HCN1: variants seen among roughly 807,000 people sequenced by gnomAD.
HCN1 encodes hyperpolarization activated cyclic nucleotide gated potassium channel 1, also known as potassium/sodium hyperpolarization-activated cyclic nucleotide-gated channel 1.
In HCN1, 13 loss-of-function variants were observed where a neutral mutation model predicts 78.9. That is an observed-to-expected ratio of 0.16 (90% CI 0.11 to 0.26). The LOEUF (loss-of-function observed/expected upper bound fraction) is 0.26, where lower values mean the gene tolerates loss of function less well. Among genes scored for constraint, HCN1 ranks in the 10% least tolerant of loss-of-function variants. HCN1 has a pLI of 1.00. For synonymous variants in HCN1, 552 were observed against 455.5 expected (o/e 1.21, Z -2.70); for missense variants, 810 against 1,154.3 (o/e 0.70, Z 4.32).
At chr5:45,530,179 C>G (rs1415337015) in intron 2 of HCN1, among the ~76,000 whole-genome samples, 3 of 151,916 alleles carry the variant, frequency 2.0e-5, no homozygotes, top group Non-Finnish European at 2.9e-5. Context: ...CTTCTCAGCT[C>G]TTTTTTTCAG....
In HCN1 at chr5:45,261,811, A is replaced by C. The variant is rs1456118811; in HGVS notation, c.*110T>G. The C allele has an allele frequency of 3.7e-6, 5 of 1,365,094 alleles. No homozygotes were observed. The highest frequency in any genetic ancestry group is 2.3e-5 in the East Asian group (1 of 43,688). The allele number at this position is 1,365,094 out of a possible 1,614,324, so 84.6% of individuals were successfully genotyped here. ...CGTGTAGGCCACAGCTGTCTAAAAT[A>C]TCTCTTCATAGTAGGCTAGAGGGAT... On this transcript the variant is annotated 3_prime_UTR_variant, in exon 8 of 8. Transcript: ENST00000303230.
chr5:45,453,799 T>C (rs925111252), intron 3 of HCN1, among the ~76,000 whole-genome samples: 1 of 152,186 alleles, frequency 6.6e-6, no homozygotes, highest in African/African-American at 2.4e-5. Context: ...ACATGAATAC[T>C]ATATTTGTGA....
chr5:45,566,777 C>T (rs530887789), intron 2 of HCN1, among the ~76,000 whole-genome samples: 3 of 152,138 alleles, frequency 2.0e-5, no homozygotes, highest in Admixed American at 6.6e-5. Context: ...CACTCTGGGA[C>T]GGGTTCCTCC....
chr5:45,347,732 A>G (rs1746780159), intron 5 of HCN1, among the ~76,000 whole-genome samples: 1 of 152,200 alleles, frequency 6.6e-6, no homozygotes, highest in African/African-American at 2.4e-5. Context: ...AAGCCTCAGG[A>G]GCCGATGCGA....
intron 3 of HCN1, among the ~76,000 whole-genome samples, chr5:45,397,369 C>G (rs552512547): frequency 1.3e-5 from 2 of 152,074 alleles, no homozygotes; most frequent in African/African-American, 4.8e-5. Flanking sequence ...GGCAAAAGAA[C>G]ATCTTGGCTT....
chr5:45,522,029 A>T lies in HCN1; in HGVS notation c.850-60022T>A, dbSNP rs376246540. Among the ~76,000 whole-genome samples, 3 of 152,008 alleles carry T rather than the reference A, an allele frequency of 2.0e-5. No homozygotes were observed. In the South Asian group the frequency reaches 6.2e-4, roughly 31 times the overall value. ...CTTAAATTTTAAAACACTATAAACT[A>T]AATGACTTTGCAATTTTATTCAACT... On this transcript the variant is annotated intron_variant, in intron 2 of 7. Coordinates refer to ENST00000303230, the MANE Select transcript of HCN1 (RefSeq NM_021072.4).
At chr5:45,438,740 A>G (rs1740614522) in intron 3 of HCN1, among the ~76,000 whole-genome samples, 1 of 152,224 alleles carries the variant, frequency 6.6e-6, no homozygotes, top group African/African-American at 2.4e-5. Flanking sequence ...AATTGGAATC[A>G]GTTATGTATA....
intron 3 of HCN1, among the ~76,000 whole-genome samples, chr5:45,414,613 G>A (rs1740085963): frequency 6.6e-6 from 1 of 152,052 alleles, no homozygotes; most frequent in African/African-American, 2.4e-5. Flanking sequence ...AAGAACAGCT[G>A]AACAGTATCT....
At chr5:45,415,564 T>C (rs1304545542) in intron 3 of HCN1, among the ~76,000 whole-genome samples, 2 of 152,116 alleles carry the variant, frequency 1.3e-5, no homozygotes, top group Non-Finnish European at 2.9e-5. Flanking sequence ...TAGTTTTCTC[T>C]GACTCAGTGT....
At chr5:45,666,855 T>C (rs1209729072) in intron 1 of HCN1, among the ~76,000 whole-genome samples, 3 of 152,024 alleles carry the variant, frequency 2.0e-5, no homozygotes, top group Non-Finnish European at 4.4e-5. Context: ...TTGAATATTT[T>C]ATTGTTTGGG....
intron 5 of HCN1, among the ~76,000 whole-genome samples, chr5:45,352,212 C>G (rs892641505): frequency 1.3e-5 from 2 of 152,116 alleles, no homozygotes; most frequent in African/African-American, 4.8e-5. Context: ...ATGATGAGTT[C>G]ATGTCCTTTG....
At chr5:45,665,196 G>A (rs575138222) in intron 1 of HCN1, among the ~76,000 whole-genome samples, 2 of 151,434 alleles carry the variant, frequency 1.3e-5, no homozygotes, top group African/African-American at 4.9e-5. Flanking sequence ...ACTATCGCAA[G>A]GACTAAAAAC....
intron 2 of HCN1, among the ~76,000 whole-genome samples, chr5:45,567,173 T>C (rs536249140): frequency 7.2e-5 from 11 of 152,132 alleles, no homozygotes; most frequent in African/African-American, 2.4e-4. Flanking sequence ...ATCAATTGAA[T>C]GGAAATTTAT....
chr5:45,667,388 T>G lies in HCN1; in HGVS notation c.426-21780A>C, dbSNP rs963331825. ...ATTAGTTTCCTATACTATTCATTCT[T>G]TGAGTAAAAATTATATATCAGACTT... On this transcript the variant is annotated intron_variant, in intron 1 of 7. Transcript: ENST00000303230. Among the ~76,000 whole-genome samples the G allele has an allele frequency of 5.7e-4, 87 of 152,000 alleles. 1 individual carries two copies. The highest frequency in any genetic ancestry group is 8.8e-5 in the Non-Finnish European group (6 of 67,978).
intron 3 of HCN1, among the ~76,000 whole-genome samples, chr5:45,461,324 A>G (rs1267477162): frequency 6.6e-6 from 1 of 152,108 alleles, no homozygotes; most frequent in Non-Finnish European, 1.5e-5. Context: ...AGGTAAATTT[A>G]AAGCCTACCT....
intron 2 of HCN1, among the ~76,000 whole-genome samples, chr5:45,492,392 A>AATATATATATATATAT (rs35781186): frequency 7.3e-4 from 88 of 121,352 alleles, no homozygotes; most frequent in South Asian, 1.7e-3. Flanking sequence ...TCTTTAAATG[A>AATATATATATATATAT]ATATATATAT....
intron 2 of HCN1, among the ~76,000 whole-genome samples, chr5:45,611,984 A>G (rs1401248402): frequency 6.6e-6 from 1 of 152,200 alleles, no homozygotes; most frequent in Non-Finnish European, 1.5e-5. Context: ...AAACACAAAT[A>G]TTTACAAACA....
chr5:45,552,379 T>C (rs1743386207), intron 2 of HCN1, among the ~76,000 whole-genome samples: 1 of 151,960 alleles, frequency 6.6e-6, no homozygotes, highest in African/African-American at 2.4e-5. Context: ...AATTTAACAG[T>C]ATTTTATTTC....
intron 4 of HCN1, among the ~76,000 whole-genome samples, chr5:45,364,917 A>T (rs1747202378): frequency 1.3e-5 from 2 of 152,030 alleles, no homozygotes; most frequent in African/African-American, 4.8e-5. Context: ...TGAGCTATTT[A>T]TTCTCCTATA....
Sources: allele counts gnomAD v4.1 joint callset (sites outside exome capture counted in the v4.1 genomes callset), GRCh38; gene constraint gnomAD v4.1.1; transcripts MANE v1.5; gene names NCBI Gene and HGNC (gene_info 2026-07-23, HGNC 2026-07-21).